The following NBPF15 variants were observed in gnomAD, a reference collection of about 807,000 sequenced individuals.
NBPF15 encodes the protein NBPF member 15, also known as NBPF family member NBPF15.
NBPF15 carries 74 observed loss-of-function variants against 62.2 expected under a neutral mutation model. The ratio of observed to expected loss-of-function variants is 1.19; its 90% CI spans 0.99 to 1.44. The LOEUF is 1.44. Ranked by LOEUF, NBPF15 falls within the 40% of genes most tolerant of loss-of-function variation. The pLI is 0.00. For missense variants in NBPF15, 790 were observed against 550.0 expected (o/e 1.44, Z -4.36); for synonymous variants, 244 against 209.7 (o/e 1.16, Z -1.41).
intron 6 of NBPF15, among the ~76,000 whole-genome samples, chr1:144,442,451 CG>C (rs1435531907): frequency 6.9e-6 from 1 of 145,464 alleles, no homozygotes; most frequent in Non-Finnish European, 1.5e-5. Flanking sequence ...TTTTAAGTGG[CG>C]GAGCGAGGGC....
intron 13 of NBPF15, among the ~76,000 whole-genome samples, chr1:144,432,852 A>C (rs1256034640): frequency 3.9e-4 from 59 of 152,088 alleles, no homozygotes; most frequent in South Asian, 1.5e-3. Context: ...ACACAATCAT[A>C]ATGGGAGACT....
At chr1:144,427,675 AGTTTCATTC>A (rs1670752696) in intron 16 of NBPF15, 134 bp downstream of exon 16, 3 of 634,112 alleles carry the variant, frequency 4.7e-6, no homozygotes, top group Admixed American at 2.6e-5. Flanking sequence ...GTGGAACTAG[AGTTTCATTC>A]AACCTACATG....
At chr1:144,452,430 C>T (rs1450995914) in intron 4 of NBPF15, among the ~76,000 whole-genome samples, 1 of 151,630 alleles carries the variant, frequency 6.6e-6, no homozygotes, top group Non-Finnish European at 1.5e-5. Context: ...TATATAAAGT[C>T]CCAAACACAG....
intron 4 of NBPF15, among the ~76,000 whole-genome samples, chr1:144,453,293 A>C (rs1477843478): frequency 6.6e-6 from 1 of 151,746 alleles, no homozygotes; most frequent in Admixed American, 6.6e-5. Context: ...ATGCAAAAAA[A>C]TAAATAAATC....
Position 144,461,577 on chromosome 1 carries a change from C to T in NBPF15, c.-1134G>A, listed in dbSNP as rs1382863984. ...CGCAGCCTCGCGACCCTCACCTACC[C>T]CTCCCGATACCGCCGCTGTCTCAAC... On this transcript the variant is annotated 5_prime_UTR_variant, in exon 1 of 22. Transcript: ENST00000581897. 16 of 153,044 alleles carry T rather than the reference C, an allele frequency of 1.0e-4. No individual in the cohort carries two copies. Among genetic ancestry groups the T allele is most frequent in the African/African-American group, 3.9e-4 (16 of 41,550 alleles). 9.5% of individuals were successfully genotyped at this position (153,044 alleles called of 1,614,324 possible).
intron 6 of NBPF15, among the ~76,000 whole-genome samples, chr1:144,443,403 T>C (rs1685010958): frequency 6.6e-6 from 1 of 151,726 alleles, no homozygotes; most frequent in Non-Finnish European, 1.5e-5. Flanking sequence ...TCCTCCAACT[T>C]ATTGCTTCTT....
intron 8 of NBPF15, among the ~76,000 whole-genome samples, chr1:144,439,482 A>G (rs1277632669): frequency 2.0e-5 from 3 of 152,050 alleles, no homozygotes; most frequent in Non-Finnish European, 4.4e-5. Context: ...ATTTAGAACA[A>G]CAGACTAGAT....
chr1:144,422,825 A>T lies in NBPF15; in HGVS notation c.*188T>A, dbSNP rs1430064592. Reference sequence around the variant, plus strand: ...CAGTTATGTGAACGTGTCACACCTAACATGGGTCCATTGTCTTCAGATTGA... The same window carrying T: ...CAGTTATGTGAACGTGTCACACCTATCATGGGTCCATTGTCTTCAGATTGA... On this transcript the variant is annotated 3_prime_UTR_variant, in exon 22 of 22. Coordinates refer to ENST00000581897, the MANE Select transcript of NBPF15 (RefSeq NM_001385408.1). The T allele has an allele frequency of 7.0e-7, 1 of 1,434,672 alleles. No homozygotes were observed. Among genetic ancestry groups the T allele is most frequent in the Non-Finnish European group, 9.5e-7 (1 of 1,053,366 alleles). 88.9% of individuals were successfully genotyped at this position (1,434,672 alleles called of 1,614,324 possible).
intron 13 of NBPF15, among the ~76,000 whole-genome samples, chr1:144,433,046 T>A (rs1349542574): frequency 1.3e-5 from 2 of 151,846 alleles, no homozygotes; most frequent in Non-Finnish European, 2.9e-5. Flanking sequence ...ATTGACCACA[T>A]AGTTGGAGGT....
rs1553547819 is a variant in NBPF15 at position 144,459,407 on chromosome 1, C to G, written c.-742G>C. 1 of 152,160 alleles carries G rather than the reference C, an allele frequency of 6.6e-6. No individual in the cohort carries two copies. The highest frequency in any genetic ancestry group is 1.9e-4 in the East Asian group (1 of 5,158). The allele number at this position is 152,160 out of a possible 1,614,324, so 9.4% of individuals were successfully genotyped here. ...CTTGGGGGCTGAGGCAGGAGGATCA[C>G]CTGAGCCTTGGGAGGTCAAGGTTGC... is the stretch of plus-strand genomic sequence containing the variant. On this transcript the variant is annotated 5_prime_UTR_variant, in exon 3 of 22. Transcript: ENST00000581897.
At chr1:144,456,413 C>G (rs1553547006) in intron 4 of NBPF15, 124 bp downstream of exon 4, 12 of 811,380 alleles carry the variant, frequency 1.5e-5, no homozygotes, top group Non-Finnish European at 1.9e-5. Flanking sequence ...AATTCAGTAT[C>G]TGTTTCATGC....
At chr1:144,426,183 A>G (rs1361345396) in intron 18 of NBPF15, 95 bp downstream of exon 18, 13 of 643,118 alleles carry the variant, frequency 2.0e-5, no homozygotes, top group Non-Finnish European at 3.5e-5. Context: ...CGGCAATGAC[A>G]TCTCTCGGGT....
In NBPF15 at chr1:144,423,922, T is replaced by C. The variant is rs1183522301; in HGVS notation, c.1717A>G (p.Lys573Glu). 45 of 791,256 alleles carry C rather than the reference T, an allele frequency of 5.7e-5. 1 individual carries two copies. The highest frequency in any genetic ancestry group is 6.8e-5 in the Non-Finnish European group (30 of 442,060). The allele number at this position is 791,256 out of a possible 1,614,324, so 49.0% of individuals were successfully genotyped here. ...KKRRGRRSKKKRRRGRKEGED... is the reference protein window; with the variant it reads ...KKRRGRRSKKERRRGRKEGED... Reference sequence around the variant, plus strand: ...CCTTCTTTTCTTCCCCTTCTTCTTTTCTTCTTTGATCTTCTTCCCCTTCTT... The same window carrying C: ...CCTTCTTTTCTTCCCCTTCTTCTTTCCTTCTTTGATCTTCTTCCCCTTCTT... Residue 573 changes from lysine to glutamate, a missense_variant, in exon 21 of 22, where the codon AAA (lysine) becomes GAA (glutamate). Physicochemically the swap from Lys to Glu is moderately conservative, Grantham distance 56. Coordinates refer to ENST00000581897, the MANE Select transcript of NBPF15 (RefSeq NM_001385408.1).
chr1:144,424,651 C>G, intron 20 of NBPF15, 39 bp downstream of exon 20: 1 of 636,732 alleles, frequency 1.6e-6, no homozygotes. Flanking sequence ...ATATGGAAGA[C>G]TCAGTGGATC....
intron 12 of NBPF15, among the ~76,000 whole-genome samples, chr1:144,434,447 G>A (rs1553540641): frequency 6.8e-6 from 1 of 146,828 alleles, no homozygotes; most frequent in African/African-American, 2.6e-5. Flanking sequence ...GTTGCACCAA[G>A]CCAAGATGGT....
intron 4 of NBPF15, among the ~76,000 whole-genome samples, chr1:144,452,461 G>T (rs9438129): frequency 2.0e-5 from 3 of 148,114 alleles, no homozygotes; most frequent in Non-Finnish European, 4.5e-5. Context: ...ATATAATGAA[G>T]TCTGCTTTCC....
At chr1:144,439,470 A>G (rs1681226189) in intron 8 of NBPF15, among the ~76,000 whole-genome samples, 1 of 152,018 alleles carries the variant, frequency 6.6e-6, no homozygotes, top group South Asian at 2.1e-4. Flanking sequence ...CTAGTCTCAG[A>G]CATTTAGAAC....
In NBPF15 at chr1:144,426,286, T is replaced by G. The variant is rs17856684; in HGVS notation, c.1430A>C (p.Asp477Ala). 16,152 of 615,602 alleles carry G rather than the reference T, an allele frequency of 0.026. 393 individuals are homozygous for G. Among genetic ancestry groups the G allele is most frequent in the Non-Finnish European group, 0.029 (10,271 of 352,240 alleles). The allele number at this position is 615,602 out of a possible 1,614,324, so 38.1% of individuals were successfully genotyped here. Residue 477 changes from aspartate (D) to alanine (A), a missense_variant, in exon 18 of 22, where the codon GAC (aspartate) becomes GCC (alanine). By Grantham distance (126) the Asp-to-Ala change is moderately radical. Transcript: ENST00000581897. The part of the protein sequence containing the change: ...LEEQYLGLAL[D>A]VDRIKKDQEE... Reference sequence around the variant, plus strand: ...CACAGTAAGGTACTCACTGTCCACGTCAAGAGCCAAGCCAAGGTACTGTTC... The same window carrying G: ...CACAGTAAGGTACTCACTGTCCACGGCAAGAGCCAAGCCAAGGTACTGTTC...
chr1:144,442,414 T>C (rs1192830298), intron 6 of NBPF15, among the ~76,000 whole-genome samples: 1 of 142,048 alleles, frequency 7.0e-6, no homozygotes, highest in African/African-American at 2.6e-5. Flanking sequence ...CGTGTGTATA[T>C]ATATTATATA....
Sources: gnomAD v4.1 joint callset for allele counts (sites outside exome capture counted in the v4.1 genomes callset) on GRCh38, gnomAD v4.1.1 for gene constraint, MANE v1.5 for transcripts, NCBI Gene and HGNC (gene_info 2026-07-23, HGNC 2026-07-21) for gene names.